DAD1: variants seen among roughly 807,000 people sequenced by gnomAD.
The protein encoded by DAD1 is dolichyl-diphosphooligosaccharide--protein glycosyltransferase subunit DAD1.
In DAD1, 4 loss-of-function variants were observed where a neutral mutation model predicts 9.0. That is an observed-to-expected ratio of 0.44 (90% CI 0.22 to 1.01). The LOEUF (loss-of-function observed/expected upper bound fraction) is 1.01, where lower values mean the gene tolerates loss of function less well. Among genes scored for constraint, DAD1 ranks in the 50% least tolerant of loss-of-function variants. The pLI is 0.24. For missense variants in DAD1, 119 were observed against 137.3 expected, an observed-to-expected ratio of 0.87 and a Z score of 0.67; for synonymous variants, 60 against 62.5, an observed-to-expected ratio of 0.96 and a Z score of 0.19.
intron 1 of DAD1, among the ~76,000 whole-genome samples, chr14:22,576,822 G>T (rs1480662613): frequency 1.3e-5 from 2 of 152,102 alleles, no homozygotes; most frequent in Non-Finnish European, 2.9e-5. Flanking sequence ...GACTTGAATA[G>T]ACATTTCCCC....
chr14:22,582,368 A>AG (rs898630126), intron 1 of DAD1, among the ~76,000 whole-genome samples: 1 of 150,108 alleles, frequency 6.7e-6, no homozygotes, highest in Non-Finnish European at 1.5e-5. Flanking sequence ...CAAAAAAAAA[A>AG]AAAAAATTAG....
rs1219502989 is a variant in DAD1 at position 22,565,002 on chromosome 14, C to T, written c.*180G>A. ...AATAAATGTTTGTTAGAAAGTTGTT[C>T]TGACACACAGTGAACTCTGGGCTTT... On this transcript the variant is annotated 3_prime_UTR_variant, in exon 3 of 3. Transcript: ENST00000250498. The T allele has an allele frequency of 1.6e-6, 1 of 633,748 alleles. No individual in the cohort carries two copies. The highest frequency in any genetic ancestry group is 1.9e-5 in the African/African-American group (1 of 53,696). 39.3% of individuals were successfully genotyped at this position (633,748 alleles called of 1,614,324 possible).
intron 1 of DAD1, among the ~76,000 whole-genome samples, chr14:22,587,914 T>A (rs1386083695): frequency 6.6e-6 from 1 of 152,130 alleles, no homozygotes; most frequent in African/African-American, 2.4e-5. Context: ...TTATGTATTT[T>A]CAGTAGAGAT....
intron 1 of DAD1, among the ~76,000 whole-genome samples, chr14:22,583,125 CA>C (rs929963940): frequency 6.6e-6 from 1 of 151,610 alleles, no homozygotes; most frequent in Non-Finnish European, 1.5e-5. Context: ...ACATATCAGA[CA>C]TCAAGTGAAG....
At position 22,564,918 on chromosome 14, in the gene DAD1, T is replaced by C; in HGVS notation, c.*264A>G. The C allele has an allele frequency of 1.7e-6, 1 of 585,388 alleles. No individual in the cohort carries two copies. The highest frequency in any genetic ancestry group is 3.0e-6 in the Non-Finnish European group (1 of 330,896). The allele number at this position is 585,388 out of a possible 1,614,324, so 36.3% of individuals were successfully genotyped here. A position where few individuals can be genotyped will look rare whatever the true frequency, so the allele number is the denominator to read the frequency against. The stretch of plus-strand genomic sequence containing the variant: ...GCCAGAGGCATATGGAGGAGTGGCA[T>C]GGAGTTCTTTAATTTGGAAGGCAAA... On this transcript the variant is annotated 3_prime_UTR_variant, in exon 3 of 3. Coordinates refer to ENST00000250498, the MANE Select transcript of DAD1 (RefSeq NM_001344.4).
intron 1 of DAD1, among the ~76,000 whole-genome samples, chr14:22,587,092 G>A (rs1414254897): frequency 6.6e-6 from 1 of 152,124 alleles, no homozygotes; most frequent in African/African-American, 2.4e-5. Flanking sequence ...CAGCCACAAC[G>A]GGCTCAAAAA....
intron 2 of DAD1, among the ~76,000 whole-genome samples, chr14:22,574,631 C>T (rs5742803): frequency 0.7 from 106,261 of 152,138 alleles, 38,809 homozygotes; most frequent in African/African-American, 0.93. Flanking sequence ...AGTCATTCAT[C>T]CAACATACAC....
intron 1 of DAD1, among the ~76,000 whole-genome samples, chr14:22,588,156 T>G (rs2037166921): frequency 6.6e-6 from 1 of 152,214 alleles, no homozygotes; most frequent in Non-Finnish European, 1.5e-5. Flanking sequence ...AAAATACAAC[T>G]GATGACCTGA....
At chr14:22,573,520 C>CTGGT (rs1361266940) in intron 2 of DAD1, among the ~76,000 whole-genome samples, 1 of 151,632 alleles carries the variant, frequency 6.6e-6, no homozygotes, top group Non-Finnish European at 1.5e-5. Flanking sequence ...CGAGATCATC[C>CTGGT]TAACACGGTG....
intron 1 of DAD1, among the ~76,000 whole-genome samples, chr14:22,585,471 C>T (rs970906632): frequency 9.9e-5 from 15 of 152,158 alleles, no homozygotes; most frequent in Non-Finnish European, 1.8e-4. Context: ...TATCTAACTA[C>T]AAGATAAACA....
intron 1 of DAD1, among the ~76,000 whole-genome samples, chr14:22,576,068 G>A (rs1274457191): frequency 6.6e-6 from 1 of 152,022 alleles, no homozygotes; most frequent in Non-Finnish European, 1.5e-5. Flanking sequence ...AGGGTCTGGT[G>A]GTGCTGCCCA....
intron 2 of DAD1, among the ~76,000 whole-genome samples, chr14:22,570,379 T>C (rs2037030423): frequency 6.6e-6 from 1 of 152,136 alleles, no homozygotes; most frequent in Non-Finnish European, 1.5e-5. Flanking sequence ...AACTCGACAT[T>C]GCCCACTTCT....
At chr14:22,574,833 T>C (rs985352750) in intron 2 of DAD1, among the ~76,000 whole-genome samples, 1 of 152,210 alleles carries the variant, frequency 6.6e-6, no homozygotes, top group South Asian at 2.1e-4. Context: ...AAACATTAAT[T>C]TTCTATTACC....
chr14:22,574,570 C>T (rs2037064129), intron 2 of DAD1, among the ~76,000 whole-genome samples: 1 of 152,108 alleles, frequency 6.6e-6, no homozygotes, highest in South Asian at 2.1e-4. Context: ...CCAAGTTAAC[C>T]CAATTTCCCC....
At chr14:22,565,513 G>A (rs1460652469) in intron 2 of DAD1, among the ~76,000 whole-genome samples, 1 of 152,130 alleles carries the variant, frequency 6.6e-6, no homozygotes, top group Non-Finnish European at 1.5e-5. Flanking sequence ...GAGCTTTCTG[G>A]AATCTAAAAT....
chr14:22,577,053 T>G (rs552987022), intron 1 of DAD1, among the ~76,000 whole-genome samples: 1 of 152,176 alleles, frequency 6.6e-6, no homozygotes, highest in Non-Finnish European at 1.5e-5. Context: ...AAAACAGTAC[T>G]GCGTTTCCTC....
chr14:22,575,578 C>T (rs374088320), intron 1 of DAD1, among the ~76,000 whole-genome samples: 2 of 152,180 alleles, frequency 1.3e-5, no homozygotes, highest in Admixed American at 1.3e-4. Context: ...GACAGAGTCT[C>T]GCTCCGTCAC....
At chr14:22,574,925 T>C (rs1594881611) in intron 2 of DAD1, 134 bp downstream of exon 2, 1 of 687,270 alleles carries the variant, frequency 1.5e-6, no homozygotes, top group East Asian at 2.6e-5. Context: ...AATGCATACT[T>C]TGCAGACCAA....
At chr14:22,569,412 A>T (rs2037023150) in intron 2 of DAD1, among the ~76,000 whole-genome samples, 1 of 150,876 alleles carries the variant, frequency 6.6e-6, no homozygotes, top group South Asian at 2.1e-4. Flanking sequence ...CAGCCTGGAC[A>T]ACAAAGCGAG....
Sources: gnomAD v4.1 joint callset for allele counts (sites outside exome capture counted in the v4.1 genomes callset) on GRCh38, gnomAD v4.1.1 for gene constraint, MANE v1.5 for transcripts, NCBI Gene and HGNC (gene_info 2026-07-23, HGNC 2026-07-21) for gene names.